Variants in CSMD1 observed in about 807,000 individuals in gnomAD.
CSMD1 encodes CUB and sushi domain-containing protein 1.
In CSMD1, 213 loss-of-function variants were observed where a neutral mutation model predicts 417.5. The observed-to-expected ratio is 0.51, with a 90% CI of 0.46 to 0.57. The LOEUF (loss-of-function observed/expected upper bound fraction) is 0.57. CSMD1 is among the 20% of genes least tolerant of loss of function. The pLI is 0.00. For synonymous variants in CSMD1, 2,862 were observed against 1,736.8 expected (o/e 1.65, Z -16.11); for missense variants, 6,923 against 4,529.7 (o/e 1.53, Z -15.17).
At chr8:3,212,995 A>T (rs1395043460) in intron 30 of CSMD1, among the ~76,000 whole-genome samples, 1 of 151,390 alleles carries the variant, frequency 6.6e-6, no homozygotes. Context: ...CGCCCAGCTA[A>T]TTTTTTGTAT....
rs145503700 is a variant in CSMD1, at chr8:3,480,453, A to C, written c.1449-11629T>G. 5.9e-3 allele frequency among the ~76,000 whole-genome samples: 894 copies of C among 152,312 alleles called. 10 individuals are homozygous for C. Among genetic ancestry groups the C allele is most frequent in the African/African-American group, 0.02 (818 of 41,566 alleles). Reference sequence around the variant, plus strand: ...CAAAACAAATACACATAGAAAAAAGAATCCAACTATTTTTTATCATTAGAA... The same window carrying C: ...CAAAACAAATACACATAGAAAAAAGCATCCAACTATTTTTTATCATTAGAA... On this transcript the variant is annotated intron_variant, in intron 11 of 69. Transcript: ENST00000635120.
chr8:3,212,985 C>A (rs12334741), intron 30 of CSMD1, among the ~76,000 whole-genome samples: 49,149 of 151,500 alleles, frequency 0.32, 8,034 homozygotes, highest in African/African-American at 0.36. Flanking sequence ...TGCACCACCA[C>A]GCCCAGCTAA....
chr8:4,717,882 T>A (rs967157183), intron 1 of CSMD1, among the ~76,000 whole-genome samples: 1 of 152,222 alleles, frequency 6.6e-6, no homozygotes, highest in African/African-American at 2.4e-5. Flanking sequence ...TATTAAATTA[T>A]CTAAAAATAA....
intron 3 of CSMD1, among the ~76,000 whole-genome samples, chr8:4,376,680 C>G (rs10098573): frequency 0.077 from 11,675 of 152,142 alleles, 468 homozygotes; most frequent in African/African-American, 0.099. Context: ...CCGTTGTTAA[C>G]GCTGAATATT....
chr8:3,598,180 C>A (rs1801182813), intron 8 of CSMD1: 1 of 152,118 alleles, frequency 6.6e-6, no homozygotes, highest in South Asian at 2.1e-4. Flanking sequence ...AAAAGGGATC[C>A]TGTGGATATC....
intron 26 of CSMD1, among the ~76,000 whole-genome samples, chr8:3,234,688 G>A (rs1356322518): frequency 3.3e-5 from 5 of 152,172 alleles, no homozygotes; most frequent in Admixed American, 6.5e-5. Flanking sequence ...GGATAGATGT[G>A]AAGATGCAAC....
At chr8:4,583,260 G>A (rs1257214942) in intron 2 of CSMD1, among the ~76,000 whole-genome samples, 1 of 152,234 alleles carries the variant, frequency 6.6e-6, no homozygotes, top group Non-Finnish European at 1.5e-5. Flanking sequence ...CAGCCGTGGT[G>A]CGGGACCCAC....
intron 2 of CSMD1, among the ~76,000 whole-genome samples, chr8:4,450,627 C>G (rs932357268): frequency 1.3e-5 from 2 of 151,860 alleles, no homozygotes; most frequent in African/African-American, 2.4e-5. Context: ...GACACTCAGT[C>G]TCCAAAGAAA....
intron 6 of CSMD1, among the ~76,000 whole-genome samples, chr8:3,727,451 G>GTCTAATTTAATGCAC (rs1802559093): frequency 6.6e-6 from 1 of 152,158 alleles, no homozygotes; most frequent in Admixed American, 6.5e-5. Context: ...ACATGAGGGT[G>GTCTAATTTAATGCAC]ACCAATGTGT....
rs117653040 is a variant in CSMD1 at position 3,774,158 on chromosome 8, T to C, written c.819-20116A>G. ...TAAATTTACGCTGCACAAAGTGTTATCTAAAGCCTTTTGTGACCTGCACCG... is the reference window on the plus strand; with the variant it reads ...TAAATTTACGCTGCACAAAGTGTTACCTAAAGCCTTTTGTGACCTGCACCG... On this transcript the variant is annotated intron_variant, in intron 5 of 69. Transcript: ENST00000635120. Among the ~76,000 whole-genome samples, 17 of 152,312 alleles carry C rather than the reference T, an allele frequency of 1.1e-4. No individual in the cohort carries two copies. In the East Asian group the frequency reaches 3.3e-3, roughly 29 times the overall value.
chr8:3,743,752 T>C (rs1257471481), intron 6 of CSMD1, among the ~76,000 whole-genome samples: 1 of 152,108 alleles, frequency 6.6e-6, no homozygotes, highest in Non-Finnish European at 1.5e-5. Context: ...TCTGTTAAAA[T>C]TTCACCATGG....
chr8:4,615,667 T>G (rs1299434306), intron 2 of CSMD1, among the ~76,000 whole-genome samples: 1 of 152,192 alleles, frequency 6.6e-6, no homozygotes, highest in Admixed American at 6.5e-5. Context: ...TAAGGTGTTA[T>G]TTCCTTATAC....
intron 1 of CSMD1, among the ~76,000 whole-genome samples, chr8:4,780,176 C>G (rs934749213): frequency 6.6e-6 from 1 of 152,150 alleles, no homozygotes; most frequent in Non-Finnish European, 1.5e-5. Flanking sequence ...CTTTGACAAC[C>G]TAGTGCGCCT....
At chr8:3,406,810 G>C (rs1030307227) in intron 14 of CSMD1, among the ~76,000 whole-genome samples, 10 of 152,272 alleles carry the variant, frequency 6.6e-5, no homozygotes, top group African/African-American at 2.4e-4. Flanking sequence ...GTGCATTTAA[G>C]TAGATATTCT....
chr8:4,816,283 C>A (rs1241507879), intron 1 of CSMD1, among the ~76,000 whole-genome samples: 3 of 151,938 alleles, frequency 2.0e-5, no homozygotes, highest in African/African-American at 4.8e-5. Context: ...CTCCTGGGTT[C>A]AAGGGATTCT....
At chr8:4,312,410 T>TACGCATATATATATAC in intron 3 of CSMD1, among the ~76,000 whole-genome samples, 1 of 124,600 alleles carries the variant, frequency 8.0e-6, no homozygotes, top group African/African-American at 5.0e-5. Flanking sequence ...TATATATGCG[T>TACGCATATATATATAC]GTATATATAT....
chr8:3,308,536 C>T (rs750274284), intron 23 of CSMD1, 33 bp from the exon 24 acceptor site: 42 of 1,562,098 alleles, frequency 2.7e-5, no homozygotes, highest in Non-Finnish European at 3.2e-5. Flanking sequence ...ATGAACAGAA[C>T]TCAAGGGTGG....
chr8:4,952,166 C>G (rs1019474304), intron 1 of CSMD1, among the ~76,000 whole-genome samples: 53 of 151,998 alleles, frequency 3.5e-4, no homozygotes, highest in African/African-American at 1.2e-3. Context: ...TTATCACACA[C>G]ACCTCTCCTA....
intron 1 of CSMD1, among the ~76,000 whole-genome samples, chr8:4,764,476 T>G (rs1812313780): frequency 6.6e-6 from 1 of 152,180 alleles, no homozygotes; most frequent in African/African-American, 2.4e-5. Flanking sequence ...TTCTTAAAAG[T>G]ATTAAGTCGA....
Sources: gnomAD v4.1 joint callset for allele counts (sites outside exome capture counted in the v4.1 genomes callset) on GRCh38, gnomAD v4.1.1 for gene constraint, MANE v1.5 for transcripts, NCBI Gene and HGNC (gene_info 2026-07-23, HGNC 2026-07-21) for gene names.